The following PAN3 variants were observed in gnomAD, a reference collection of about 807,000 sequenced individuals.
The protein encoded by PAN3 is PAN2-PAN3 deadenylation complex subunit PAN3.
In PAN3, 19 loss-of-function variants were observed where a neutral mutation model predicts 96.2. That is an observed-to-expected ratio of 0.20 (90% CI 0.14 to 0.29). The LOEUF is 0.29. Ranked by LOEUF, PAN3 falls within the 10% of genes least tolerant of loss-of-function variation. The probability of loss-of-function intolerance (pLI) is 1.00; values close to 1 mark genes in which losing one functional copy is unlikely to be tolerated. For missense variants in PAN3, 882 were observed against 1,108.1 expected (o/e 0.80, Z 2.90); for synonymous variants, 433 against 406.6 (o/e 1.06, Z -0.78).
In PAN3 at chr13:28,211,581, G is replaced by A. The variant is rs189129395; in HGVS notation, c.853-8650G>A. On this transcript the variant is annotated intron_variant, in intron 5 of 18. Transcript: ENST00000380958. ...TTATTTGAAATGGTATTTGTAGATC[G>A]CCTCTCTCCTAGTGGGTGTTTAATC... is the stretch of plus-strand genomic sequence containing the variant. 3.4e-3 allele frequency among the ~76,000 whole-genome samples: 513 copies of A among 152,076 alleles called. 1 individual carries two copies. The highest frequency in any genetic ancestry group is 5.4e-3 in the Non-Finnish European group (367 of 67,990).
chr13:28,260,623 G>A, intron 8 of PAN3, 72 bp downstream of exon 8: 1 of 1,224,866 alleles, frequency 8.2e-7, no homozygotes, highest in Non-Finnish European at 1.2e-6. Context: ...AAAGAACAGA[G>A]CTCTTTTCAA....
intron 6 of PAN3, among the ~76,000 whole-genome samples, chr13:28,239,185 A>ACACACG (rs1317288825): frequency 1.7e-3 from 173 of 104,118 alleles, no homozygotes; most frequent in African/African-American, 6.8e-3. Flanking sequence ...ACACACACAC[A>ACACACG]CACGCATGCA....
At chr13:28,173,073 C>T (rs560985196) in intron 1 of PAN3, among the ~76,000 whole-genome samples, 5 of 152,252 alleles carry the variant, frequency 3.3e-5, no homozygotes, top group African/African-American at 1.2e-4. Context: ...AACATTGATT[C>T]AGCTATACAT....
chr13:28,232,965 G>A (rs1030385262), intron 6 of PAN3, among the ~76,000 whole-genome samples: 5 of 152,156 alleles, frequency 3.3e-5, no homozygotes, highest in South Asian at 2.1e-4. Context: ...TTTTAGGTTA[G>A]ATTCATTATA....
intron 17 of PAN3, among the ~76,000 whole-genome samples, chr13:28,284,966 G>A (rs946636811): frequency 6.6e-5 from 10 of 152,088 alleles, no homozygotes; most frequent in Admixed American, 6.6e-5. Context: ...TTGAGTCATC[G>A]TAACCAAGAT....
chr13:28,264,497 G>A (rs377292154), intron 9 of PAN3, among the ~76,000 whole-genome samples: 20 of 152,200 alleles, frequency 1.3e-4, no homozygotes, highest in South Asian at 2.1e-4. Flanking sequence ...TTGTGCCATT[G>A]CGCTCCATCC....
chr13:28,252,938 C>T (rs994103002), intron 6 of PAN3, among the ~76,000 whole-genome samples: 3 of 152,028 alleles, frequency 2.0e-5, no homozygotes, highest in Non-Finnish European at 4.4e-5. Flanking sequence ...GTTCCAGTAA[C>T]CATTGGTAGC....
At chr13:28,165,673 A>C (rs1873449847) in intron 1 of PAN3, among the ~76,000 whole-genome samples, 1 of 152,120 alleles carries the variant, frequency 6.6e-6, no homozygotes, top group Admixed American at 6.5e-5. Flanking sequence ...CTCTTAACAA[A>C]ATATTGGAGA....
rs1038161884 is a variant in PAN3, at chr13:28,166,219, C to T, written c.431-8053C>T. Among the ~76,000 whole-genome samples, 5 of 152,116 alleles carry T rather than the reference C, an allele frequency of 3.3e-5. No homozygotes were observed. In the East Asian group the frequency reaches 5.8e-4, roughly 18 times the overall value. ...TGAGCCTGTGAAATCAGACAAGTTA[C>T]GCTTTTCTAAAATACGATGGTAGGA... On this transcript the variant is annotated intron_variant, in intron 1 of 18. Coordinates refer to ENST00000380958, the MANE Select transcript of PAN3 (RefSeq NM_175854.8).
chr13:28,293,055 C>G lies in PAN3; in HGVS notation c.*533C>G, dbSNP rs1390535509. 6.6e-6 allele frequency: 1 copy of G among 152,144 alleles called. No individual in the cohort carries two copies. Among genetic ancestry groups the G allele is most frequent in the Admixed American group, 6.5e-5 (1 of 15,270 alleles). The allele number at this position is 152,144 out of a possible 1,614,324, so 9.4% of individuals were successfully genotyped here. A position where few individuals can be genotyped will look rare whatever the true frequency, so the allele number is the denominator to read the frequency against. ...CTTGTAAGAGTATCGTATGCAAGCT[C>G]TCTGTATGCCACCCACTGTTAGTTC... On this transcript the variant is annotated 3_prime_UTR_variant, in exon 19 of 19. Coordinates refer to ENST00000380958, the MANE Select transcript of PAN3 (RefSeq NM_175854.8).
At chr13:28,166,911 A>G (rs1873620444) in intron 1 of PAN3, among the ~76,000 whole-genome samples, 1 of 152,104 alleles carries the variant, frequency 6.6e-6, no homozygotes, top group South Asian at 2.1e-4. Flanking sequence ...CTCTCCCTAG[A>G]AAACAGTTTT....
chr13:28,145,606 C>T (rs1207129991), intron 1 of PAN3, among the ~76,000 whole-genome samples: 2 of 151,830 alleles, frequency 1.3e-5, no homozygotes, highest in Non-Finnish European at 2.9e-5. Flanking sequence ...GGATTATAGG[C>T]GTGACCCACT....
chr13:28,181,376 G>A (rs1164163068), intron 4 of PAN3, among the ~76,000 whole-genome samples: 1 of 151,978 alleles, frequency 6.6e-6, no homozygotes, highest in Admixed American at 6.6e-5. Context: ...CAGGAGTGGT[G>A]GTGAACGCCT....
intron 5 of PAN3, among the ~76,000 whole-genome samples, chr13:28,218,507 G>A (rs2138367915): frequency 6.6e-6 from 1 of 152,168 alleles, no homozygotes; most frequent in Middle Eastern, 3.4e-3. Context: ...TTTGGCATCC[G>A]TGGTTATTGA....
In PAN3 at chr13:28,208,923, TG is replaced by T. The variant is rs369856841; in HGVS notation, c.853-11307del. On this transcript the variant is annotated intron_variant, in intron 5 of 18. Coordinates refer to ENST00000380958, the MANE Select transcript of PAN3 (RefSeq NM_175854.8). ...ATCTTGAACTTTCTTAGAAGTTTTT[TG>T]TAAAAATTATACAGTGGTCCTTCTG... Among the ~76,000 whole-genome samples, 367 of 152,316 alleles carry T rather than the reference TG, an allele frequency of 2.4e-3. 3 individuals are homozygous for T. Among genetic ancestry groups the T allele is most frequent in the African/African-American group, 8.2e-3 (339 of 41,564 alleles).
At chr13:28,189,243 C>A (rs555221943) in intron 4 of PAN3, among the ~76,000 whole-genome samples, 1 of 152,000 alleles carries the variant, frequency 6.6e-6, no homozygotes, top group Non-Finnish European at 1.5e-5. Flanking sequence ...GTTAGCCAGG[C>A]GTGGTGGCTC....
chr13:28,196,152 C>G (rs1470147018), intron 4 of PAN3, among the ~76,000 whole-genome samples: 7 of 151,770 alleles, frequency 4.6e-5, no homozygotes, highest in Admixed American at 1.3e-4. Flanking sequence ...AGCCACCATG[C>G]CTGGCCAGCA....
chr13:28,162,251 C>T (rs1214670229), intron 1 of PAN3, among the ~76,000 whole-genome samples: 2 of 152,152 alleles, frequency 1.3e-5, no homozygotes, highest in Non-Finnish European at 2.9e-5. Flanking sequence ...TGTTAAAAGT[C>T]TATGCTCATT....
chr13:28,292,236 T>G (rs1451786261), intron 18 of PAN3, 146 bp from the exon 19 acceptor site: 1 of 757,910 alleles, frequency 1.3e-6, no homozygotes, highest in Admixed American at 3.5e-5. Flanking sequence ...ATGTGCATAC[T>G]GATGAATGAT....
Sources: allele counts gnomAD v4.1 joint callset (sites outside exome capture counted in the v4.1 genomes callset), GRCh38; gene constraint gnomAD v4.1.1; transcripts MANE v1.5; gene names NCBI Gene and HGNC (gene_info 2026-07-23, HGNC 2026-07-21).